Variants in SHTN1 observed in about 807,000 individuals in gnomAD.
SHTN1 encodes shootin 1, also known as shootin-1.
In SHTN1, 42 loss-of-function variants were observed where a neutral mutation model predicts 83.1. The observed-to-expected ratio is 0.51, with a 90% CI of 0.39 to 0.65. The LOEUF (loss-of-function observed/expected upper bound fraction) is 0.65. Ranked by LOEUF, SHTN1 falls within the 30% of genes least tolerant of loss-of-function variation. SHTN1 has a pLI of 0.00. For synonymous variants in SHTN1, 224 were observed against 247.7 expected (o/e 0.90, Z 0.90); for missense variants, 622 against 737.8 (o/e 0.84, Z 1.82).
intron 1 of SHTN1, among the ~76,000 whole-genome samples, chr10:117,064,218 G>C (rs1036884969): frequency 6.6e-6 from 1 of 152,164 alleles, no homozygotes; most frequent in Non-Finnish European, 1.5e-5. Flanking sequence ...CCATGAGTTT[G>C]CTGTGGCTAC....
intron 2 of SHTN1, among the ~76,000 whole-genome samples, chr10:116,969,420 G>A (rs912588489): frequency 9.2e-5 from 14 of 152,122 alleles, no homozygotes; most frequent in Admixed American, 5.9e-4. Flanking sequence ...CAGCATGGGC[G>A]ACAGAGTGAG....
chr10:116,986,224 TA>T (rs1851213387), intron 1 of SHTN1, among the ~76,000 whole-genome samples: 1 of 152,050 alleles, frequency 6.6e-6, no homozygotes, highest in Admixed American at 6.6e-5. Flanking sequence ...CAACAAAAAG[TA>T]AAAACAAATT....
intron 2 of SHTN1, among the ~76,000 whole-genome samples, chr10:117,040,836 TAACA>T (rs1444880355): frequency 6.6e-6 from 1 of 152,090 alleles, no homozygotes; most frequent in African/African-American, 2.4e-5. Context: ...TGAAATAGTT[TAACA>T]AACATGATTC....
At chr10:117,124,007 T>C (rs1281355258) in intron 1 of SHTN1, among the ~76,000 whole-genome samples, 1 of 151,188 alleles carries the variant, frequency 6.6e-6, no homozygotes, top group African/African-American at 2.4e-5. Flanking sequence ...AGTCTAGAAG[T>C]TCAAGACCAG....
intron 1 of SHTN1, among the ~76,000 whole-genome samples, chr10:117,088,769 T>C (rs1325733763): frequency 1.3e-5 from 2 of 152,208 alleles, no homozygotes; most frequent in Non-Finnish European, 1.5e-5. Context: ...GAAAGAGTCT[T>C]TGATCAAATT....
Position 117,095,752 on chromosome 10 carries a change from T to G in SHTN1, c.-189+30555A>C, listed in dbSNP as rs370397732. Among the ~76,000 whole-genome samples the G allele has an allele frequency of 3.5e-4, 53 of 152,328 alleles. 1 individual carries two copies. In the East Asian group the frequency reaches 6.9e-3, roughly 20 times the overall value. ...GATCATCATCATTCTTTTGACCTAC[T>G]GTATATTAATTAATTTCTTTTTCAG... is the stretch of plus-strand genomic sequence containing the variant. On this transcript the variant is annotated intron_variant, in intron 1 of 17. Transcript: ENST00000392901.
chr10:117,071,452 G>A (rs1476207350), intron 1 of SHTN1, among the ~76,000 whole-genome samples: 1 of 152,174 alleles, frequency 6.6e-6, no homozygotes, highest in Non-Finnish European at 1.5e-5. Context: ...AGTGAATATT[G>A]CTATTCTCAT....
At chr10:116,987,865 A>C (rs1400927886) in intron 1 of SHTN1, among the ~76,000 whole-genome samples, 1 of 151,936 alleles carries the variant, frequency 6.6e-6, no homozygotes, top group East Asian at 1.9e-4. Context: ...CAGTGAGCCA[A>C]GATCATGCCA....
At chr10:117,090,575 T>C (rs1853414739) in intron 1 of SHTN1, among the ~76,000 whole-genome samples, 2 of 152,150 alleles carry the variant, frequency 1.3e-5, no homozygotes, top group South Asian at 4.1e-4. Flanking sequence ...TTCCACAATT[T>C]GAAATAAAAC....
At chr10:116,942,392 T>C (rs1849411408) in intron 8 of SHTN1, among the ~76,000 whole-genome samples, 1 of 152,048 alleles carries the variant, frequency 6.6e-6, no homozygotes, top group African/African-American at 2.4e-5. Flanking sequence ...TGTGTATTTT[T>C]AGTAGAGATG....
chr10:117,084,445 G>A (rs1277897359), intron 1 of SHTN1, among the ~76,000 whole-genome samples: 1 of 152,234 alleles, frequency 6.6e-6, no homozygotes, highest in Non-Finnish European at 1.5e-5. Flanking sequence ...CTTCAAAGCT[G>A]TCAGACAGGG....
chr10:117,071,123 TA>T (rs1853075822), intron 1 of SHTN1, among the ~76,000 whole-genome samples: 1 of 152,228 alleles, frequency 6.6e-6, no homozygotes, highest in Non-Finnish European at 1.5e-5. Context: ...TGTAATTTCA[TA>T]AAATGCCATT....
Position 116,911,811 on chromosome 10 carries a change from C to T in SHTN1, c.1338G>A (p.Val446=), listed in dbSNP as rs1164675457. Residue 446 remains valine, a synonymous_variant, in exon 14 of 17, where the codon GTG becomes GTA. Coordinates refer to ENST00000355371, the MANE Select transcript of SHTN1 (RefSeq NM_001127211.3). ...TTACCAGTATTCCTTTTAGTTCATCCACTGCACTTTCGCAGCCTTTCGAAG... is the reference window on the plus strand; with the variant it reads ...TTACCAGTATTCCTTTTAGTTCATCTACTGCACTTTCGCAGCCTTTCGAAG... The part of the protein sequence containing the change: ...PESSKGCESA[V]DELKGILGTL... 1 of 1,612,712 alleles carries T rather than the reference C, an allele frequency of 6.2e-7. No homozygotes were observed. The highest frequency in any genetic ancestry group is 2.2e-5 in the East Asian group (1 of 44,854).
At chr10:117,032,039 G>A (rs1205471906) in intron 2 of SHTN1, among the ~76,000 whole-genome samples, 3 of 63,218 alleles carry the variant, frequency 4.7e-5, no homozygotes, top group African/African-American at 1.1e-4. Context: ...CACATAGACT[G>A]AAAATAAAGG....
At chr10:116,977,660 C>CTG (rs1196264025) in intron 2 of SHTN1, among the ~76,000 whole-genome samples, 2 of 57,662 alleles carry the variant, frequency 3.5e-5, no homozygotes, top group Non-Finnish European at 7.4e-5. Flanking sequence ...GACTTTCTTA[C>CTG]TCTGTGTGTG....
chr10:117,042,883 T>C (rs1852606873), intron 2 of SHTN1, among the ~76,000 whole-genome samples: 1 of 152,206 alleles, frequency 6.6e-6, no homozygotes, highest in Non-Finnish European at 1.5e-5. Flanking sequence ...CCCAAAGTGC[T>C]GGGATTACAG....
intron 1 of SHTN1, among the ~76,000 whole-genome samples, chr10:117,052,397 T>C (rs1365233812): frequency 6.6e-6 from 1 of 152,050 alleles, no homozygotes; most frequent in African/African-American, 2.4e-5. Context: ...AAAATTCCAA[T>C]GGCATTTTTT....
intron 1 of SHTN1, among the ~76,000 whole-genome samples, chr10:116,993,012 T>C (rs144755813): frequency 0.073 from 3,820 of 52,448 alleles, 168 homozygotes; most frequent in African/African-American, 0.17. Flanking sequence ...TTCTTTCTTT[T>C]TTTTCTTTTT....
At chr10:116,990,294 T>TC (rs1455636065) in intron 1 of SHTN1, among the ~76,000 whole-genome samples, 2 of 148,230 alleles carry the variant, frequency 1.3e-5, no homozygotes, top group African/African-American at 4.9e-5. Context: ...TTTCTTTTTT[T>TC]TTTTTTTTTT....
Sources: gnomAD v4.1 joint callset for allele counts (sites outside exome capture counted in the v4.1 genomes callset) on GRCh38, gnomAD v4.1.1 for gene constraint, MANE v1.5 for transcripts, NCBI Gene and HGNC (gene_info 2026-07-23, HGNC 2026-07-21) for gene names.